The following SLC16A7 variants were observed in gnomAD, a reference collection of about 807,000 sequenced individuals.
The protein encoded by SLC16A7 is monocarboxylate transporter 2.
SLC16A7 carries 33 observed loss-of-function variants against 34.9 expected under a neutral mutation model. The ratio of observed to expected loss-of-function variants is 0.94; its 90% CI spans 0.72 to 1.26. SLC16A7 has a LOEUF of 1.26. SLC16A7 is among the 50% of genes most tolerant of loss of function. SLC16A7 has a pLI of 0.00. For missense variants in SLC16A7, 573 were observed against 578.1 expected (o/e 0.99, Z 0.09); for synonymous variants, 201 against 206.6 (o/e 0.97, Z 0.23).
At chr12:59,682,684 A>G (rs1043612552) in intron 2 of SLC16A7, among the ~76,000 whole-genome samples, 20 of 152,172 alleles carry the variant, frequency 1.3e-4, no homozygotes, top group African/African-American at 4.8e-4. Flanking sequence ...TGACAATGCA[A>G]GTAGGTCAGG....
At chr12:59,613,293 G>A (rs1024033566) in intron 1 of SLC16A7, among the ~76,000 whole-genome samples, 3 of 152,172 alleles carry the variant, frequency 2.0e-5, no homozygotes, top group Non-Finnish European at 4.4e-5. Flanking sequence ...CATGAGAAAA[G>A]CATGAGGGAA....
chr12:59,690,836 C>T (rs1383614762), intron 2 of SLC16A7, among the ~76,000 whole-genome samples: 2 of 151,778 alleles, frequency 1.3e-5, no homozygotes, highest in Non-Finnish European at 2.9e-5. Flanking sequence ...TGGCATATTC[C>T]GGTCTTCTGT....
chr12:59,621,067 T>C (rs1486046860), intron 1 of SLC16A7, among the ~76,000 whole-genome samples: 2 of 151,914 alleles, frequency 1.3e-5, no homozygotes, highest in Non-Finnish European at 2.9e-5. Context: ...AAGGCAAGAC[T>C]TGGTGCACTA....
At chr12:59,730,095 A>G (rs1876755409) in intron 3 of SLC16A7, among the ~76,000 whole-genome samples, 1 of 152,074 alleles carries the variant, frequency 6.6e-6, no homozygotes, top group South Asian at 2.1e-4. Context: ...TCTTCCCAAA[A>G]ATTAGTTCAG....
intron 1 of SLC16A7, among the ~76,000 whole-genome samples, chr12:59,607,249 A>C (rs1051791988): frequency 5.3e-5 from 8 of 152,184 alleles, no homozygotes; most frequent in Admixed American, 5.2e-4. Flanking sequence ...AAACAAGTGA[A>C]ATTTATTTTG....
chr12:59,685,056 GA>G (rs1871047714), intron 2 of SLC16A7, among the ~76,000 whole-genome samples: 1 of 152,064 alleles, frequency 6.6e-6, no homozygotes, highest in Non-Finnish European at 1.5e-5. Flanking sequence ...AAGGTATGGG[GA>G]AAAGAAAAAG....
chr12:59,730,990 C>A (rs1876887068), intron 3 of SLC16A7, among the ~76,000 whole-genome samples: 1 of 152,080 alleles, frequency 6.6e-6, no homozygotes, highest in African/African-American at 2.4e-5. Context: ...TCATGAAAAT[C>A]TAAAGCATAC....
At chr12:59,688,476 C>T (rs939203467) in intron 2 of SLC16A7, among the ~76,000 whole-genome samples, 1 of 151,986 alleles carries the variant, frequency 6.6e-6, no homozygotes, top group Admixed American at 6.6e-5. Context: ...TTTTCATTGC[C>T]TGCCAAATGA....
chr12:59,693,791 A>G (rs1795886), intron 2 of SLC16A7, among the ~76,000 whole-genome samples: 89,830 of 151,542 alleles, frequency 0.59, 27,338 homozygotes, highest in African/African-American at 0.75. Flanking sequence ...AAAATCGAAG[A>G]AGTATAATTT....
chr12:59,768,150 A>G, intron 3 of SLC16A7: 1 of 445,320 alleles, frequency 2.2e-6, no homozygotes, highest in Middle Eastern at 3.3e-4. Flanking sequence ...GACTCCTCTG[A>G]TGAATCTGGG....
rs895228130 is a variant in SLC16A7 at position 59,781,318 on chromosome 12, A to C, written c.*1639A>C. 3.0e-4 allele frequency: 46 copies of C among 152,688 alleles called. 1 individual carries two copies. The highest frequency in any genetic ancestry group is 1.1e-3 in the African/African-American group (44 of 41,564). The allele number at this position is 152,688 out of a possible 1,614,324, so 9.5% of individuals were successfully genotyped here. A position where few individuals can be genotyped will look rare whatever the true frequency, so the allele number is the denominator to read the frequency against. Reference sequence around the variant, plus strand: ...TTTAAAAAGTATTTAGTGCTTGACAAAGTAGTGTCACTCTTAAGATGTCAA... The same window carrying C: ...TTTAAAAAGTATTTAGTGCTTGACACAGTAGTGTCACTCTTAAGATGTCAA... On this transcript the variant is annotated 3_prime_UTR_variant, in exon 6 of 6. Transcript: ENST00000547379.
chr12:59,604,326 C>T (rs1246671097), intron 1 of SLC16A7, among the ~76,000 whole-genome samples: 2 of 152,202 alleles, frequency 1.3e-5, no homozygotes, highest in Non-Finnish European at 2.9e-5. Context: ...TCTGTGCCAA[C>T]AGTTTAATAA....
intron 1 of SLC16A7, among the ~76,000 whole-genome samples, chr12:59,624,442 C>G (rs1879831588): frequency 6.6e-6 from 1 of 151,602 alleles, no homozygotes; most frequent in Non-Finnish European, 1.5e-5. Flanking sequence ...TGGTTTTGTT[C>G]ATAGTGCTAT....
intron 1 of SLC16A7, among the ~76,000 whole-genome samples, chr12:59,648,985 T>C (rs760125605): frequency 1.3e-5 from 2 of 152,142 alleles, no homozygotes; most frequent in African/African-American, 4.8e-5. Flanking sequence ...AGTCCTAGTA[T>C]TCAGAGTGAT....
At position 59,786,840 on chromosome 12, in the gene SLC16A7, G is replaced by T. The variant is rs1445936489; in HGVS notation, c.*7161G>T. On this transcript the variant is annotated 3_prime_UTR_variant, in exon 6 of 6. Coordinates refer to ENST00000547379, the MANE Select transcript of SLC16A7 (RefSeq NM_001270623.2). Reference sequence around the variant, plus strand: ...ACAGAAGCCGTAAGGTCATAATGATGATCTTTGTAGAGTAAATAAAATATT... The same window carrying T: ...ACAGAAGCCGTAAGGTCATAATGATTATCTTTGTAGAGTAAATAAAATATT... 1 of 152,058 alleles carries T rather than the reference G, an allele frequency of 6.6e-6. No homozygotes were observed. The highest frequency in any genetic ancestry group is 1.5e-5 in the Non-Finnish European group (1 of 68,004). The allele number at this position is 152,058 out of a possible 1,614,324, so 9.4% of individuals were successfully genotyped here. A position where few individuals can be genotyped will look rare whatever the true frequency, so the allele number is the denominator to read the frequency against.
intron 1 of SLC16A7, among the ~76,000 whole-genome samples, chr12:59,644,266 T>A (rs1880812079): frequency 6.6e-6 from 1 of 152,092 alleles, no homozygotes; most frequent in African/African-American, 2.4e-5. Flanking sequence ...TTAGTGCGCA[T>A]CAAAAGTTAT....
intron 3 of SLC16A7, among the ~76,000 whole-genome samples, chr12:59,708,666 T>G (rs1293625370): frequency 4.6e-5 from 7 of 152,090 alleles, no homozygotes; most frequent in Non-Finnish European, 1.0e-4. Context: ...AGTCAACCTA[T>G]TAATCACTAC....
chr12:59,673,798 T>C (rs1870085888), intron 2 of SLC16A7, among the ~76,000 whole-genome samples: 1 of 152,152 alleles, frequency 6.6e-6, no homozygotes, highest in African/African-American at 2.4e-5. Context: ...TGTTGGGACA[T>C]CATTGGTTAT....
intron 1 of SLC16A7, among the ~76,000 whole-genome samples, chr12:59,609,874 G>C (rs530133861): frequency 5.9e-5 from 9 of 152,132 alleles, no homozygotes; most frequent in African/African-American, 2.2e-4. Flanking sequence ...TCAGATTTTT[G>C]GAATGAGAAA....
Sources: gnomAD v4.1 joint callset for allele counts (sites outside exome capture counted in the v4.1 genomes callset) on GRCh38, gnomAD v4.1.1 for gene constraint, MANE v1.5 for transcripts, NCBI Gene and HGNC (gene_info 2026-07-23, HGNC 2026-07-21) for gene names.